Variants in HPD observed in about 807,000 individuals in gnomAD.
HPD encodes the protein 4-hydroxyphenylpyruvic acid oxidase.
A neutral mutation model predicts 56.9 loss-of-function variants in HPD; 35 were observed. The observed-to-expected ratio is 0.62, with a 90% CI of 0.47 to 0.82. HPD has a LOEUF of 0.82. HPD is among the 40% of genes least tolerant of loss of function. The pLI, the probability that HPD is intolerant of heterozygous loss-of-function variation, is 0.00. For synonymous variants in HPD, 186 were observed against 200.2 expected (o/e 0.93, Z 0.60); for missense variants, 442 against 506.8 (o/e 0.87, Z 1.23).
At position 121,847,000 on chromosome 12, in the gene HPD, GCC is replaced by G. The variant is rs1051563280; in HGVS notation, c.759+50_759+51del. 5 of 1,612,914 alleles carry G rather than the reference GCC, an allele frequency of 3.1e-6. No homozygotes were observed. In the African/African-American group the frequency reaches 6.7e-5, roughly 22 times the overall value. On this transcript the variant is annotated intron_variant, in intron 10 of 13. Transcript: ENST00000289004. ...CACCCACATCCCTGACCCTACAAGA[GCC>G]CCCAGACCTCTTCCCTGCTCCCCTC...
chr12:121,839,778 G>T lies in HPD; in HGVS notation c.1132C>A (p.Arg378=), dbSNP rs1476122169. ...GTCTCCATGTTGGTGAGGTTACCCC[G>T]CAGGTTCTGCTCCTCCTCGAAAGCC... ...FKAFEEEQNL[R]GNLTNMETNG... is the part of the protein sequence containing the mutation. Residue 378 remains arginine (R), a synonymous_variant, in exon 14 of 14, where the codon CGG becomes AGG. Coordinates refer to ENST00000289004, the MANE Select transcript of HPD (RefSeq NM_002150.3). 2 of 1,614,086 alleles carry T rather than the reference G, an allele frequency of 1.2e-6. No homozygotes were observed. Among genetic ancestry groups the T allele is most frequent in the East Asian group, 2.2e-5 (1 of 44,896 alleles).
chr12:121,853,940 A>G (rs1294769901), intron 7 of HPD, among the ~76,000 whole-genome samples: 1 of 150,560 alleles, frequency 6.6e-6, no homozygotes, highest in Non-Finnish European at 1.5e-5. Context: ...GTCTGAAAAA[A>G]GAAAAAAGAA....
At chr12:121,851,699 A>ATTTTTT (rs1284294966) in intron 7 of HPD, among the ~76,000 whole-genome samples, 1 of 12,398 alleles carries the variant, frequency 8.1e-5, no homozygotes, top group Non-Finnish European at 1.8e-4. Context: ...TTATTTATTT[A>ATTTTTT]TTTTTTTTTT....
chr12:121,882,183 A>G, the HPD span, among the ~76,000 whole-genome samples: 2 of 152,082 alleles, frequency 1.3e-5, no homozygotes, highest in Non-Finnish European at 2.9e-5. Context: ...CTTGTTTTAT[A>G]GATTCAGGAA....
Position 121,856,309 on chromosome 12 carries a change from C to T in HPD, c.324+15G>A, listed in dbSNP as rs1877993027. The T allele has an allele frequency of 1.9e-6, 3 of 1,608,680 alleles. No individual in the cohort carries two copies. The highest frequency in any genetic ancestry group is 2.6e-6 in the Non-Finnish European group (3 of 1,175,144). On this transcript the variant is annotated intron_variant, in intron 6 of 13. Transcript: ENST00000289004. ...GGAGGCCTTCCTCTCTCAGTCCACC[C>T]AGGTGCTTTCTTACCTGCACGATGT...
At chr12:121,872,076 C>CA in the HPD span, among the ~76,000 whole-genome samples, 42,217 of 137,524 alleles carry the variant, frequency 0.31, 7,826 homozygotes, top group East Asian at 0.57. Context: ...ACTAAAAATA[C>CA]AAAAAAAAAA....
At chr12:121,881,644 G>C in the HPD span, among the ~76,000 whole-genome samples, 1 of 151,204 alleles carries the variant, frequency 6.6e-6, no homozygotes, top group Non-Finnish European at 1.5e-5. Flanking sequence ...TTGTTTTTTT[G>C]TTTGTTTGTT....
At chr12:121,879,514 C>A in the HPD span, among the ~76,000 whole-genome samples, 2 of 48,204 alleles carry the variant, frequency 4.1e-5, no homozygotes, top group East Asian at 5.0e-3. Context: ...TTTTTCTTTT[C>A]TTTTCTTTTC....
At chr12:121,869,026 C>T in the HPD span, among the ~76,000 whole-genome samples, 1 of 151,636 alleles carries the variant, frequency 6.6e-6, no homozygotes, top group African/African-American at 2.4e-5. Context: ...GTAGTTGGGA[C>T]TACAGGCATG....
At chr12:121,877,714 C>T in the HPD span, among the ~76,000 whole-genome samples, 4 of 151,912 alleles carry the variant, frequency 2.6e-5, no homozygotes, top group Middle Eastern at 3.4e-3. Flanking sequence ...GCCTGGGTGA[C>T]GGATTGAGAC....
the HPD span, among the ~76,000 whole-genome samples, chr12:121,883,844 T>C: frequency 6.6e-6 from 1 of 152,144 alleles, no homozygotes; most frequent in Non-Finnish European, 1.5e-5. Flanking sequence ...ATACTCTTCA[T>C]GTGGATTTGC....
At chr12:121,862,992 T>C (rs1878224850), upstream of HPD, among the ~76,000 whole-genome samples, 1 of 133,094 alleles carries the variant, frequency 7.5e-6, no homozygotes, top group Non-Finnish European at 1.6e-5. Flanking sequence ...CCCCCTCCTT[T>C]TTTTTTTTTT....
chr12:121,855,113 G>A (rs1877946035), intron 6 of HPD, among the ~76,000 whole-genome samples: 1 of 152,164 alleles, frequency 6.6e-6, no homozygotes, highest in African/African-American at 2.4e-5. Flanking sequence ...TAAAAAGAAT[G>A]GTTGGATGAG....
In HPD at chr12:121,857,737, C is replaced by T. The variant is rs202081529; in HGVS notation, c.93+20G>A. ...CTGCCCTGCCGTCTGCTCACTCCAG[C>T]ACCTTGCCCCGGCTTCTACCTGCTT... On this transcript the variant is annotated intron_variant, in intron 3 of 13. Coordinates refer to ENST00000289004, the MANE Select transcript of HPD (RefSeq NM_002150.3). The T allele has an allele frequency of 2.1e-4, 334 of 1,609,820 alleles. 1 individual carries two copies. Among genetic ancestry groups the T allele is most frequent in the Non-Finnish European group, 2.3e-4 (269 of 1,176,264 alleles).
intron 7 of HPD, among the ~76,000 whole-genome samples, chr12:121,853,085 A>T (rs1489274418): frequency 1.3e-5 from 2 of 152,168 alleles, no homozygotes; most frequent in East Asian, 3.9e-4. Flanking sequence ...ACAGAAAACC[A>T]AACACTGCAT....
At chr12:121,870,029 C>T in the HPD span, among the ~76,000 whole-genome samples, 5 of 151,226 alleles carry the variant, frequency 3.3e-5, no homozygotes, top group South Asian at 2.1e-4. Flanking sequence ...CCTTCTGCCT[C>T]GGCCTTCCAC....
At chr12:121,841,194 C>T (rs1345580430) in intron 12 of HPD, among the ~76,000 whole-genome samples, 2 of 137,928 alleles carry the variant, frequency 1.5e-5, no homozygotes, top group Non-Finnish European at 3.1e-5. Flanking sequence ...GAGCAAGACT[C>T]TGTCTCAAAA....
chr12:121,840,368 T>C (rs774482447), intron 12 of HPD, among the ~76,000 whole-genome samples: 7 of 152,160 alleles, frequency 4.6e-5, no homozygotes, highest in Non-Finnish European at 1.0e-4. Context: ...TGGCGCAATC[T>C]TGGCTCACTG....
upstream of HPD, among the ~76,000 whole-genome samples, chr12:121,865,143 C>T (rs1878290090): frequency 6.6e-6 from 1 of 151,954 alleles, no homozygotes; most frequent in Admixed American, 6.6e-5. Context: ...TGGCGGGCAC[C>T]CGTAGTTTCG....
Sources: gnomAD v4.1 joint callset for allele counts (sites outside exome capture counted in the v4.1 genomes callset) on GRCh38, gnomAD v4.1.1 for gene constraint, MANE v1.5 for transcripts, NCBI Gene and HGNC (gene_info 2026-07-23, HGNC 2026-07-21) for gene names.